MPHOSPH10: variants seen among roughly 807,000 people sequenced by gnomAD.
MPHOSPH10 encodes U3 small nucleolar ribonucleoprotein MPP10.
MPHOSPH10 carries 33 observed loss-of-function variants against 77.3 expected under a neutral mutation model. The ratio of observed to expected loss-of-function variants is 0.43; its 90% CI spans 0.32 to 0.57. MPHOSPH10 has a LOEUF of 0.57. Among genes scored for constraint, MPHOSPH10 ranks in the 20% least tolerant of loss-of-function variants. The probability of loss-of-function intolerance (pLI) is 0.07; values close to 1 mark genes in which losing one functional copy is unlikely to be tolerated. For synonymous variants in MPHOSPH10, 245 were observed against 268.0 expected (o/e 0.91, Z 0.84); for missense variants, 708 against 780.1 (o/e 0.91, Z 1.10).
rs1226197713 is a variant in MPHOSPH10 at position 71,141,383 on chromosome 2, T to C, written c.1446+14T>C. ...AAACTCAACCAGGTGAGGAAGCCTG[T>C]AAGGCCAAGCCATTATTATTAAAGA... On this transcript the variant is annotated intron_variant, in intron 7 of 10. Transcript: ENST00000244230. 5 of 1,485,808 alleles carry C rather than the reference T, an allele frequency of 3.4e-6. No homozygotes were observed. The highest frequency in any genetic ancestry group is 4.5e-6 in the Non-Finnish European group (5 of 1,120,130). The allele number at this position is 1,485,808 out of a possible 1,614,324, so 92.0% of individuals were successfully genotyped here.
At chr2:71,135,678 CAT>C (rs1673474488) in intron 4 of MPHOSPH10, among the ~76,000 whole-genome samples, 1 of 151,122 alleles carries the variant, frequency 6.6e-6, no homozygotes, top group Admixed American at 6.6e-5. Context: ...GAGGATACCA[CAT>C]ATGTCTTTTC....
At position 71,136,913 on chromosome 2, in the gene MPHOSPH10, AACACACACACACACACAC is replaced by A. The variant is rs56768441; in HGVS notation, c.1099-1547_1099-1530del. On this transcript the variant is annotated intron_variant, in intron 4 of 10. Coordinates refer to ENST00000244230, the MANE Select transcript of MPHOSPH10 (RefSeq NM_005791.3). The stretch of plus-strand genomic sequence containing the variant: ...CCAAACCTGACAGAGGTAGCATTAA[AACACACACACACACACAC>A]ACACACACACACACACACACACACA... Among the ~76,000 whole-genome samples the A allele has an allele frequency of 7.4e-3, 879 of 119,080 alleles. 7 individuals carry two copies. Among genetic ancestry groups the A allele is most frequent in the African/African-American group, 0.027 (780 of 29,076 alleles). The allele number at this position is 119,080 out of a possible 152,430, so 78.1% of individuals were successfully genotyped here.
chr2:71,137,167 T>A (rs1179439105), intron 4 of MPHOSPH10, among the ~76,000 whole-genome samples: 1 of 152,098 alleles, frequency 6.6e-6, no homozygotes, highest in African/African-American at 2.4e-5. Flanking sequence ...TATTCATTTC[T>A]AATTTTTTTT....
At position 71,139,891 on chromosome 2, in the gene MPHOSPH10, A is replaced by G. The variant is rs752696742; in HGVS notation, c.1308+29A>G. On this transcript the variant is annotated intron_variant, in intron 6 of 10. Coordinates refer to ENST00000244230, the MANE Select transcript of MPHOSPH10 (RefSeq NM_005791.3). Reference sequence around the variant, plus strand: ...AGTAAGAATTAAATTTAACTTAATCAAAATGTCACCAAGATTTTTAGAAAT... The same window carrying G: ...AGTAAGAATTAAATTTAACTTAATCGAAATGTCACCAAGATTTTTAGAAAT... The G allele has an allele frequency of 2.8e-6, 4 of 1,428,286 alleles. No homozygotes were observed. The South Asian group carries it at 4.7e-5, about 17-fold the overall frequency. The allele number at this position is 1,428,286 out of a possible 1,614,324, so 88.5% of individuals were successfully genotyped here.
intron 5 of MPHOSPH10, chr2:71,139,546 A>G (rs1222011754): frequency 2.5e-5 from 8 of 316,104 alleles, no homozygotes; most frequent in East Asian, 1.2e-4. Flanking sequence ...TGGGTAAAGT[A>G]TTAGCACTTA....
Position 71,132,970 on chromosome 2 carries a change from G to T in MPHOSPH10, c.162G>T (p.Glu54Asp). Residue 54 changes from glutamate (E) to aspartate (D), a missense_variant, in exon 2 of 11, where the codon GAG becomes GAT. Physicochemically the swap from Glu to Asp is conservative, Grantham distance 45 (BLOSUM62 2). Transcript: ENST00000244230. ...KVLYDFNKILENGRIHGSPLQ... is the reference protein window; with the variant it reads ...KVLYDFNKILDNGRIHGSPLQ... Reference sequence around the variant, plus strand: ...TTTATGACTTTAATAAAATATTAGAGAATGGTAGGATCCATGGAAGCCCCT... The same window carrying T: ...TTTATGACTTTAATAAAATATTAGATAATGGTAGGATCCATGGAAGCCCCT... The T allele has an allele frequency of 6.2e-7, 1 of 1,613,972 alleles. No homozygotes were observed. The highest frequency in any genetic ancestry group is 1.1e-5 in the South Asian group (1 of 91,070).
At chr2:71,149,718 C>G in intron 10 of MPHOSPH10, 148 bp from the exon 11 acceptor site, 1 of 759,228 alleles carries the variant, frequency 1.3e-6, no homozygotes, top group Non-Finnish European at 2.1e-6. Flanking sequence ...CAGAATACCT[C>G]TATGCTAACT....
intron 4 of MPHOSPH10, among the ~76,000 whole-genome samples, chr2:71,137,341 T>G (rs1673516339): frequency 6.6e-6 from 1 of 152,058 alleles, no homozygotes; most frequent in African/African-American, 2.4e-5. Context: ...TAGGCCAGTG[T>G]AACTACAAAA....
chr2:71,149,448 A>G lies in MPHOSPH10; in HGVS notation c.1891A>G (p.Ile631Val). Reference sequence around the variant, plus strand: ...GACCAAAACTGGCAAAGCTTCCTTCATAAAGGTAAGGACAAGGGAAAGAAA... The same window carrying G: ...GACCAAAACTGGCAAAGCTTCCTTCGTAAAGGTAAGGACAAGGGAAAGAAA... ...QLTKTGKASF[I>V]KDEGKDKALK... Residue 631 changes from isoleucine (I) to valine (V), a missense_variant, in exon 10 of 11, where the codon ATA becomes GTA. Ile to Val is a conservative substitution (Grantham distance 29). Around this residue, in one of 3 missense-constraint regions of MPHOSPH10, gnomAD observed 263 missense variants for 320.0 expected, o/e 0.82. Transcript: ENST00000244230. The G allele has an allele frequency of 1.9e-6, 3 of 1,613,416 alleles. No homozygotes were observed. Among genetic ancestry groups the G allele is most frequent in the Non-Finnish European group, 2.5e-6 (3 of 1,179,778 alleles).
intron 5 of MPHOSPH10, 107 bp from the exon 6 acceptor site, chr2:71,139,687 AT>A: frequency 2.8e-6 from 2 of 719,940 alleles, no homozygotes; most frequent in Admixed American, 2.5e-5. Context: ...AGGAATTTGC[AT>A]TTCTAACAAG....
In MPHOSPH10 at chr2:71,134,773, C is replaced by T; in HGVS notation, c.1074C>T (p.Ser358=). Reference sequence around the variant, plus strand: ...AGAAAAATTCTGATGAAGTTAAATCCTCCTTTGAAAAAAGACAGGAAAAGG... The same window carrying T: ...AGAAAAATTCTGATGAAGTTAAATCTTCCTTTGAAAAAAGACAGGAAAAGG... ...NVKKNSDEVK[S]SFEKRQEKMN... The change falls in exon 4 of 11, where the codon TCC becomes TCT. Residue 358 remains serine (S), a synonymous_variant. Transcript: ENST00000244230. The T allele has an allele frequency of 6.3e-7, 1 of 1,589,302 alleles. No individual in the cohort carries two copies. Among genetic ancestry groups the T allele is most frequent in the Non-Finnish European group, 8.6e-7 (1 of 1,169,368 alleles).
rs76790487 is a variant in MPHOSPH10 at position 71,133,262 on chromosome 2, G to A, written c.454G>A (p.Ala152Thr). 1.5e-5 allele frequency: 24 copies of A among 1,614,124 alleles called. No homozygotes were observed. The African/African-American group carries it at 3.2e-4, about 22-fold the overall frequency. ...TGATGATCCTGAAATGGGTGAGAGAGCTGAAAACTCAAGCAAATCTGATCT... is the reference window on the plus strand; with the variant it reads ...TGATGATCCTGAAATGGGTGAGAGAACTGAAAACTCAAGCAAATCTGATCT... ...GNDDPEMGERAENSSKSDLRK... is the reference protein window; with the variant it reads ...GNDDPEMGERTENSSKSDLRK... Residue 152 changes from alanine to threonine, a missense_variant, in exon 2 of 11, where the codon GCT becomes ACT. Physicochemically the swap from Ala to Thr is moderately conservative, Grantham distance 58 (BLOSUM62 0). Around this residue, in one of 3 missense-constraint regions of MPHOSPH10, gnomAD observed 433 missense variants for 432.6 expected, o/e 1.00. Transcript: ENST00000244230.
In MPHOSPH10 at chr2:71,133,394, G is replaced by A. The variant is rs1209202921; in HGVS notation, c.586G>A (p.Glu196Lys). The A allele has an allele frequency of 6.2e-7, 1 of 1,613,954 alleles. No individual in the cohort carries two copies. The highest frequency in any genetic ancestry group is 2.2e-5 in the East Asian group (1 of 44,876). ...VQNKGQGKPR[E>K]KSIVDDKFFK... is the part of the protein sequence containing the mutation. ...AAACAAAGGACAGGGAAAACCAAGA[G>A]AAAAGTCCATAGTAGATGATAAATT... Residue 196 changes from glutamate (E) to lysine (K), a missense_variant, in exon 2 of 11, where the codon GAA becomes AAA. Physicochemically the swap from Glu to Lys is moderately conservative, Grantham distance 56 (BLOSUM62 1). This residue lies in a region of MPHOSPH10 where 433 missense variants were observed against 432.6 expected (regional missense o/e 1.00). Transcript: ENST00000244230.
chr2:71,132,882 T>G lies in MPHOSPH10; in HGVS notation c.90-16T>G. The G allele has an allele frequency of 6.4e-6, 10 of 1,566,788 alleles. No individual in the cohort carries two copies. The highest frequency in any genetic ancestry group is 8.7e-6 in the Non-Finnish European group (10 of 1,154,766). On this transcript the variant is annotated splice_polypyrimidine_tract_variant and intron_variant, in intron 1 of 10. Coordinates refer to ENST00000244230, the MANE Select transcript of MPHOSPH10 (RefSeq NM_005791.3). ...ATTACCTGTAATTCTAAATCTCACT[T>G]AATTCCTCCCAATAGGATTCAAGAG...
Position 71,131,974 on chromosome 2 carries a change from C to T in MPHOSPH10, c.90-924C>T, listed in dbSNP as rs1673394893. On this transcript the variant is annotated intron_variant, in intron 1 of 10. Coordinates refer to ENST00000244230, the MANE Select transcript of MPHOSPH10 (RefSeq NM_005791.3). Reference sequence around the variant, plus strand: ...GAGCTTCAGCTCAGAGGCCTGACACCACCACCCAAGCCTTCCCTATCTCAG... The same window carrying T: ...GAGCTTCAGCTCAGAGGCCTGACACTACCACCCAAGCCTTCCCTATCTCAG... Among the ~76,000 whole-genome samples the T allele has an allele frequency of 2.0e-5, 3 of 152,160 alleles. No homozygotes were observed. In the South Asian group the frequency reaches 6.2e-4, roughly 31 times the overall value.
At chr2:71,145,268 GTGT>G (rs1437165021) in intron 8 of MPHOSPH10, among the ~76,000 whole-genome samples, 2 of 152,176 alleles carry the variant, frequency 1.3e-5, no homozygotes, top group Admixed American at 6.5e-5. Context: ...TTTGGTGCCT[GTGT>G]TGTTGTCTGA....
intron 5 of MPHOSPH10, chr2:71,138,964 G>A: frequency 1.8e-6 from 1 of 553,752 alleles, no homozygotes; most frequent in South Asian, 2.1e-5. Flanking sequence ...AACCCAGAAA[G>A]GGGAGGTTGC....
chr2:71,131,155 A>G (rs1367864171), intron 1 of MPHOSPH10, among the ~76,000 whole-genome samples: 1 of 152,324 alleles, frequency 6.6e-6, no homozygotes, highest in East Asian at 1.9e-4. Context: ...AAGCTTCTTC[A>G]GAAATAGAAC....
chr2:71,144,789 G>C (rs1406788325), intron 8 of MPHOSPH10, among the ~76,000 whole-genome samples: 1 of 152,194 alleles, frequency 6.6e-6, no homozygotes, highest in Non-Finnish European at 1.5e-5. Flanking sequence ...GCCTCTTACT[G>C]TTTTAACTTA....
Sources: gnomAD v4.1 joint callset for allele counts (sites outside exome capture counted in the v4.1 genomes callset) on GRCh38, gnomAD v4.1.1 for gene constraint, gnomAD v4.1.1 regional missense constraint, MANE v1.5 for transcripts, NCBI Gene and HGNC (gene_info 2026-07-23, HGNC 2026-07-21) for gene names.